Variants in ENTREP2 observed in about 807,000 individuals in gnomAD.
The protein encoded by ENTREP2 is endosomal transmembrane epsin interactor 2.
the ENTREP2 span, among the ~76,000 whole-genome samples, chr15:29,510,664 GGGCATGGTGGCT>G: frequency 3.3e-5 from 5 of 151,912 alleles, no homozygotes; most frequent in Admixed American, 6.6e-5. Context: ...AAAATTAGCC[GGGCATGGTGGCT>G]GGCACCTGTA....
At chr15:29,194,992 C>T in the ENTREP2 span, 6 of 354,870 alleles carry the variant, frequency 1.7e-5, no homozygotes, top group Non-Finnish European at 2.4e-5. Context: ...AACGGCTGCC[C>T]GTGTCCCCTC....
chr15:29,339,817 G>A, the ENTREP2 span, among the ~76,000 whole-genome samples: 9 of 152,152 alleles, frequency 5.9e-5, no homozygotes, highest in Admixed American at 2.6e-4. Context: ...TATGTCAAAC[G>A]AGGTCCTGAA....
chr15:29,565,675 A>AT, the ENTREP2 span, among the ~76,000 whole-genome samples: 1 of 152,164 alleles, frequency 6.6e-6, no homozygotes, highest in Admixed American at 6.5e-5. Flanking sequence ...GAAAAGAAAC[A>AT]TTTTCCGGCC....
chr15:29,585,855 CAAA>C, the ENTREP2 span, among the ~76,000 whole-genome samples: 1,075 of 110,836 alleles, frequency 9.7e-3, 9 homozygotes, highest in African/African-American at 0.038. Context: ...GACTCTGTCT[CAAA>C]AAAAAAAAAA....
the ENTREP2 span, among the ~76,000 whole-genome samples, chr15:29,395,534 CTT>C: frequency 1.0e-3 from 142 of 140,900 alleles, no homozygotes; most frequent in East Asian, 1.9e-3. Context: ...TTTTTTCTTT[CTT>C]TTTTTTTTTT....
the ENTREP2 span, among the ~76,000 whole-genome samples, chr15:29,238,968 TG>T: frequency 3.0e-3 from 452 of 152,192 alleles, no homozygotes; most frequent in African/African-American, 0.01. Flanking sequence ...GAGATTCGGG[TG>T]GGGACATATA....
At chr15:29,180,185 C>T in the ENTREP2 span, among the ~76,000 whole-genome samples, 3 of 152,108 alleles carry the variant, frequency 2.0e-5, no homozygotes, top group Admixed American at 6.6e-5. Context: ...AAGAGCTGAA[C>T]GTGCCAGATC....
At chr15:29,513,886 T>C in the ENTREP2 span, among the ~76,000 whole-genome samples, 1 of 152,194 alleles carries the variant, frequency 6.6e-6, no homozygotes, top group Non-Finnish European at 1.5e-5. Context: ...TACCTGGCGC[T>C]GTTCTTGACC....
chr15:29,233,375 A>G, the ENTREP2 span, among the ~76,000 whole-genome samples: 1 of 152,320 alleles, frequency 6.6e-6, no homozygotes, highest in South Asian at 2.1e-4. Flanking sequence ...TTAACCTCAC[A>G]CTCACAATTC....
At chr15:29,547,754 A>C in the ENTREP2 span, among the ~76,000 whole-genome samples, 3 of 152,240 alleles carry the variant, frequency 2.0e-5, no homozygotes, top group Non-Finnish European at 4.4e-5. Flanking sequence ...TATCGAAAAA[A>C]TGGAAATCGG....
At chr15:29,524,887 G>C in the ENTREP2 span, among the ~76,000 whole-genome samples, 2 of 152,252 alleles carry the variant, frequency 1.3e-5, no homozygotes, top group African/African-American at 4.8e-5. Context: ...GGACCCAAAG[G>C]GGGTTGCCCA....
chr15:29,585,585 G>T, the ENTREP2 span, among the ~76,000 whole-genome samples: 3 of 152,268 alleles, frequency 2.0e-5, no homozygotes, highest in African/African-American at 4.8e-5. Flanking sequence ...GGCCGGGCGC[G>T]GTGGCTCACG....
the ENTREP2 span, among the ~76,000 whole-genome samples, chr15:29,563,177 A>C: frequency 6.6e-6 from 1 of 152,146 alleles, no homozygotes; most frequent in African/African-American, 2.4e-5. Context: ...TCCCAGTTAC[A>C]CAATGTAACC....
chr15:29,565,301 A>C, the ENTREP2 span, among the ~76,000 whole-genome samples: 1 of 152,114 alleles, frequency 6.6e-6, no homozygotes, highest in Non-Finnish European at 1.5e-5. Context: ...ATGTGCCTAC[A>C]TTCTTTTGTG....
chr15:29,318,662 A>C, the ENTREP2 span, among the ~76,000 whole-genome samples: 1 of 152,188 alleles, frequency 6.6e-6, no homozygotes, highest in African/African-American at 2.4e-5. Context: ...ATGCTACTGC[A>C]CACCTACTAG....
At chr15:29,191,003 C>T in the ENTREP2 span, among the ~76,000 whole-genome samples, 3 of 152,180 alleles carry the variant, frequency 2.0e-5, no homozygotes, top group Admixed American at 6.5e-5. Context: ...AGTAGAGCAG[C>T]CTCTTCCCAG....
At chr15:29,549,522 G>C in the ENTREP2 span, among the ~76,000 whole-genome samples, 3 of 152,010 alleles carry the variant, frequency 2.0e-5, no homozygotes, top group East Asian at 5.8e-4. Flanking sequence ...CGCCCGCCTC[G>C]GCCTCCCAAA....
At chr15:29,354,145 G>A in the ENTREP2 span, among the ~76,000 whole-genome samples, 2 of 152,156 alleles carry the variant, frequency 1.3e-5, no homozygotes, top group African/African-American at 4.8e-5. Flanking sequence ...GGCAGAGGAA[G>A]GGCGCCGTCT....
At chr15:29,387,626 G>A in the ENTREP2 span, among the ~76,000 whole-genome samples, 1 of 152,040 alleles carries the variant, frequency 6.6e-6, no homozygotes, top group East Asian at 1.9e-4. Context: ...CTACTTTAAA[G>A]TTCATATGGA....
Sources: allele counts gnomAD v4.1 joint callset (sites outside exome capture counted in the v4.1 genomes callset), GRCh38; gene constraint gnomAD v4.1.1; transcripts MANE v1.5; gene names NCBI Gene and HGNC (gene_info 2026-07-23, HGNC 2026-07-21).